Variants in TNIK observed in about 807,000 individuals in gnomAD.
The protein encoded by TNIK is TRAF2 and NCK interacting kinase, also known as TRAF2 and NCK-interacting protein kinase.
A neutral mutation model predicts 191.3 loss-of-function variants in TNIK; 49 were observed. The observed-to-expected ratio is 0.26, with a 90% confidence interval of 0.20 to 0.32. The LOEUF (loss-of-function observed/expected upper bound fraction) is 0.32, where lower values mean the gene tolerates loss of function less well. Among genes scored for constraint, TNIK ranks in the 10% least tolerant of loss-of-function variants. The pLI, the probability that TNIK is intolerant of heterozygous loss-of-function variation, is 1.00. For missense variants in TNIK, 1,155 were observed against 1,702.3 expected (o/e 0.68, Z 5.66); for synonymous variants, 594 against 600.9 (o/e 0.99, Z 0.17).
chr3:171,325,033 G>A (rs376217863), intron 2 of TNIK, among the ~76,000 whole-genome samples: 9 of 152,008 alleles, frequency 5.9e-5, no homozygotes, highest in South Asian at 2.1e-4. Flanking sequence ...TCCAGGAGGC[G>A]GAGCTTGCAA....
At chr3:171,100,193 T>G (rs894104907) in intron 22 of TNIK, among the ~76,000 whole-genome samples, 1 of 152,216 alleles carries the variant, frequency 6.6e-6, no homozygotes, top group Non-Finnish European at 1.5e-5. Flanking sequence ...AGGGCCAGCA[T>G]GTTTTGCAGA....
rs1436464169 is a variant in TNIK at position 171,090,851 on chromosome 3, T to TA, written c.2721+2987dup. On this transcript the variant is annotated intron_variant, in intron 23 of 32. Coordinates refer to ENST00000436636, the MANE Select transcript of TNIK (RefSeq NM_015028.4). ...GTGCATCTGACAGGATCATGAGTGT[T>TA]AGAGTGGTATGTTCTTATAGAACCA... 2.0e-5 allele frequency among the ~76,000 whole-genome samples: 3 copies of TA among 152,296 alleles called. No homozygotes were observed. The East Asian group carries it at 5.8e-4, about 29-fold the overall frequency.
rs149055238 is a variant in TNIK at position 171,075,644 on chromosome 3, C to T, written c.3448+3874G>A. On this transcript the variant is annotated intron_variant, in intron 28 of 32. Transcript: ENST00000436636. The stretch of plus-strand genomic sequence containing the variant: ...TACTTCTTAACTGATTTCCCTGGGC[C>T]TGGCTCTGTGCTAAGTGCCGGTGAG... Among the ~76,000 whole-genome samples, 227 of 152,080 alleles carry T rather than the reference C, an allele frequency of 1.5e-3. 1 individual carries two copies. Among genetic ancestry groups the T allele is most frequent in the African/African-American group, 5.4e-3 (223 of 41,480 alleles).
intron 4 of TNIK, among the ~76,000 whole-genome samples, chr3:171,209,064 G>GGGGTGTGT (rs141041586): frequency 1.3e-4 from 19 of 142,014 alleles, no homozygotes; most frequent in Admixed American, 3.5e-4. Flanking sequence ...CTTTGGAAGG[G>GGGGTGTGT]GTGTGTGTGT....
chr3:171,384,524 T>C (rs954175061), intron 1 of TNIK, among the ~76,000 whole-genome samples: 1 of 152,192 alleles, frequency 6.6e-6, no homozygotes, highest in Non-Finnish European at 1.5e-5. Flanking sequence ...ACCAAAGTAT[T>C]GATAAAATCT....
chr3:171,264,514 C>G (rs1489617568), intron 2 of TNIK, among the ~76,000 whole-genome samples: 1 of 152,014 alleles, frequency 6.6e-6, no homozygotes, highest in Non-Finnish European at 1.5e-5. Context: ...CGCTACCACA[C>G]CCGACTAATT....
intron 2 of TNIK, among the ~76,000 whole-genome samples, chr3:171,336,194 T>G (rs1167422638): frequency 2.0e-5 from 3 of 152,142 alleles, no homozygotes; most frequent in African/African-American, 7.2e-5. Context: ...AAAATGGGTT[T>G]TTGTTTTCCT....
intron 2 of TNIK, among the ~76,000 whole-genome samples, chr3:171,274,596 A>G (rs1258452502): frequency 6.6e-6 from 1 of 152,258 alleles, no homozygotes; most frequent in Non-Finnish European, 1.5e-5. Context: ...TCTCAGATAG[A>G]TGAAGGTTAA....
At chr3:171,397,934 C>A (rs961453427) in intron 1 of TNIK, among the ~76,000 whole-genome samples, 2 of 152,168 alleles carry the variant, frequency 1.3e-5, no homozygotes, top group African/African-American at 4.8e-5. Context: ...TGTCTAATAT[C>A]CCTTGGGGAA....
intron 21 of TNIK, chr3:171,101,992 T>C (rs1723649752): frequency 6.1e-6 from 1 of 164,752 alleles, no homozygotes; most frequent in South Asian, 1.8e-4. Context: ...TATGTGGGAT[T>C]AGAAATTGTG....
Position 171,108,094 on chromosome 3 carries a change from T to A in TNIK, c.2353A>T (p.Arg785Trp). The change falls in exon 20 of 33, where the codon AGG becomes TGG. Residue 785 changes from arginine to tryptophan, a missense_variant. Around this residue, in one of 3 missense-constraint regions of TNIK, gnomAD observed 735 missense variants for 848.0 expected, o/e 0.87. Transcript: ENST00000436636. ...GGTCGACTGGGCCGGGTAATGTCCC[T>A]GGATTCTTCTGGTTTCACCTTCGCA... is the stretch of plus-strand genomic sequence containing the variant. ...EPAKVKPEES[R>W]DITRPSRPAS... 6.3e-7 allele frequency: 1 copy of A among 1,575,096 alleles called. No homozygotes were observed. Among genetic ancestry groups the A allele is most frequent in the Non-Finnish European group, 8.6e-7 (1 of 1,159,146 alleles).
chr3:171,124,884 G>A (rs914928381), intron 17 of TNIK, among the ~76,000 whole-genome samples: 3 of 152,060 alleles, frequency 2.0e-5, no homozygotes, highest in Admixed American at 6.6e-5. Context: ...CATCTATTGT[G>A]TCTGCTCCTT....
chr3:171,084,454 C>T, intron 25 of TNIK, 129 bp from the exon 26 acceptor site: 8 of 1,094,498 alleles, frequency 7.3e-6, no homozygotes, highest in Non-Finnish European at 9.0e-6. Context: ...CTCTGAAACT[C>T]TCCTTATTTT....
At chr3:171,160,548 T>C (rs536628685) in intron 11 of TNIK, among the ~76,000 whole-genome samples, 4 of 151,974 alleles carry the variant, frequency 2.6e-5, no homozygotes, top group Admixed American at 6.6e-5. Context: ...CCATGGGATG[T>C]GGGCCTGCCC....
intron 32 of TNIK, among the ~76,000 whole-genome samples, chr3:171,065,097 T>C (rs555433187): frequency 5.9e-4 from 90 of 152,168 alleles, no homozygotes; most frequent in Admixed American, 4.6e-3. Context: ...CTCCTAAGGG[T>C]GTGGCATGGC....
At chr3:171,185,834 T>C (rs1340568725) in intron 7 of TNIK, among the ~76,000 whole-genome samples, 1 of 152,244 alleles carries the variant, frequency 6.6e-6, no homozygotes, top group African/African-American at 2.4e-5. Context: ...TTCTTTTTCT[T>C]CTTGTCTTTA....
chr3:171,121,271 C>T (rs376789984), intron 18 of TNIK, among the ~76,000 whole-genome samples: 1 of 152,140 alleles, frequency 6.6e-6, no homozygotes, highest in Non-Finnish European at 1.5e-5. Flanking sequence ...AAGAACTATA[C>T]GGACTTCATT....
At chr3:171,220,525 G>A (rs1403576527) in intron 3 of TNIK, among the ~76,000 whole-genome samples, 2 of 152,118 alleles carry the variant, frequency 1.3e-5, no homozygotes, top group African/African-American at 4.8e-5. Flanking sequence ...GTCAAAAGAG[G>A]GGAATGAATA....
intron 2 of TNIK, among the ~76,000 whole-genome samples, chr3:171,367,314 G>A (rs1334000390): frequency 1.3e-5 from 2 of 152,154 alleles, no homozygotes; most frequent in Non-Finnish European, 2.9e-5. Context: ...AACTCAGAAT[G>A]ACAGCAGGAC....
Sources: gnomAD v4.1 joint callset for allele counts (sites outside exome capture counted in the v4.1 genomes callset) on GRCh38, gnomAD v4.1.1 for gene constraint, gnomAD v4.1.1 regional missense constraint, MANE v1.5 for transcripts, NCBI Gene and HGNC (gene_info 2026-07-23, HGNC 2026-07-21) for gene names.